The following QTMAN variants were observed in gnomAD, a reference collection of about 807,000 sequenced individuals.
The protein encoded by QTMAN is queuosine-tRNA mannosyltransferase, also known as tRNA-queuosine alpha-mannosyltransferase.
At chr2:144,324,233 A>G in the QTMAN span, among the ~76,000 whole-genome samples, 1 of 152,312 alleles carries the variant, frequency 6.6e-6, no homozygotes, top group Non-Finnish European at 1.5e-5. Context: ...ATAAACTGAT[A>G]ACTACAAGAG....
the QTMAN span, among the ~76,000 whole-genome samples, chr2:144,210,352 A>G: frequency 2.9e-4 from 44 of 152,222 alleles, no homozygotes; most frequent in Non-Finnish European, 1.6e-4. Context: ...GAAGGTATTT[A>G]GCCCATCCCA....
the QTMAN span, among the ~76,000 whole-genome samples, chr2:144,117,175 C>T: frequency 6.6e-6 from 1 of 152,136 alleles, no homozygotes; most frequent in African/African-American, 2.4e-5. Flanking sequence ...CCTGACTCTC[C>T]AGCAAATGTT....
chr2:144,206,903 T>C, the QTMAN span, among the ~76,000 whole-genome samples: 1 of 152,172 alleles, frequency 6.6e-6, no homozygotes, highest in African/African-American at 2.4e-5. Context: ...ACTGTAGAAA[T>C]TTATTATACT....
At chr2:144,275,424 T>C in the QTMAN span, among the ~76,000 whole-genome samples, 2 of 152,082 alleles carry the variant, frequency 1.3e-5, no homozygotes, top group Admixed American at 1.3e-4. Context: ...ATGCTATTTC[T>C]GCCTAAGCCC....
the QTMAN span, among the ~76,000 whole-genome samples, chr2:144,327,881 A>G: frequency 5.3e-5 from 8 of 152,210 alleles, no homozygotes; most frequent in Non-Finnish European, 1.2e-4. Flanking sequence ...AAACCACCCA[A>G]GAAACATAAA....
the QTMAN span, among the ~76,000 whole-genome samples, chr2:144,002,603 A>G: frequency 2.0e-5 from 3 of 152,008 alleles, no homozygotes; most frequent in Admixed American, 6.6e-5. Flanking sequence ...AACAAATATG[A>G]TTTTTTAAAA....
At chr2:144,287,494 G>C in the QTMAN span, among the ~76,000 whole-genome samples, 6 of 151,294 alleles carry the variant, frequency 4.0e-5, no homozygotes, top group Admixed American at 3.9e-4. Flanking sequence ...TATGTTCTTT[G>C]ATTGTAAAAT....
chr2:144,011,639 GTAAAAA>G, the QTMAN span: 1 of 673,418 alleles, frequency 1.5e-6, no homozygotes, highest in African/African-American at 2.4e-5. Context: ...TTCTATGCTA[GTAAAAA>G]AAAAAAAAAA....
the QTMAN span, among the ~76,000 whole-genome samples, chr2:144,018,521 T>C: frequency 6.6e-6 from 1 of 152,218 alleles, no homozygotes; most frequent in Admixed American, 6.5e-5. Flanking sequence ...TAAACACTTC[T>C]ACTTACTTCA....
chr2:144,321,871 G>T, the QTMAN span, among the ~76,000 whole-genome samples: 3 of 152,084 alleles, frequency 2.0e-5, no homozygotes, highest in Non-Finnish European at 2.9e-5. Context: ...TCTGTAAAGT[G>T]AGAGTCACTA....
At chr2:144,054,283 C>G in the QTMAN span, among the ~76,000 whole-genome samples, 2 of 152,124 alleles carry the variant, frequency 1.3e-5, no homozygotes, top group Non-Finnish European at 2.9e-5. Flanking sequence ...CTGAAGACAG[C>G]ACAACAAAGG....
the QTMAN span, among the ~76,000 whole-genome samples, chr2:144,005,474 C>A: frequency 1.3e-5 from 2 of 152,002 alleles, no homozygotes; most frequent in Non-Finnish European, 1.5e-5. Flanking sequence ...ATTGACTGCA[C>A]GCTAGATTTT....
At chr2:144,233,471 G>C in the QTMAN span, among the ~76,000 whole-genome samples, 55 of 152,300 alleles carry the variant, frequency 3.6e-4, no homozygotes, top group South Asian at 1.5e-3. Flanking sequence ...AAATAATGGT[G>C]TAAGTGGGAA....
the QTMAN span, among the ~76,000 whole-genome samples, chr2:144,189,795 T>TAGAG: frequency 6.6e-6 from 1 of 152,014 alleles, no homozygotes; most frequent in African/African-American, 2.4e-5. Context: ...AATTTTTTTG[T>TAGAG]ATTTTTAGTA....
At chr2:143,959,059 T>C in the QTMAN span, among the ~76,000 whole-genome samples, 2 of 152,036 alleles carry the variant, frequency 1.3e-5, no homozygotes, top group Non-Finnish European at 2.9e-5. Context: ...CCTTTACTAG[T>C]TTAATCAATC....
chr2:143,995,815 T>G, the QTMAN span, among the ~76,000 whole-genome samples: 1 of 152,202 alleles, frequency 6.6e-6, no homozygotes, highest in Non-Finnish European at 1.5e-5. Flanking sequence ...ACTGCTCATC[T>G]AAATAACAGA....
the QTMAN span, among the ~76,000 whole-genome samples, chr2:143,977,435 A>T: frequency 6.6e-6 from 1 of 152,212 alleles, no homozygotes; most frequent in Non-Finnish European, 1.5e-5. Context: ...CAGAGCTCTG[A>T]GAGTCCCAGA....
At chr2:144,292,828 G>T in the QTMAN span, among the ~76,000 whole-genome samples, 4 of 151,964 alleles carry the variant, frequency 2.6e-5, no homozygotes, top group Admixed American at 6.6e-5. Context: ...TTAATAACAG[G>T]TCCTATCAAT....
chr2:144,017,255 G>A, the QTMAN span, among the ~76,000 whole-genome samples: 795 of 152,066 alleles, frequency 5.2e-3, 2 homozygotes, highest in Middle Eastern at 0.01. Context: ...CACCCACCTC[G>A]GCCTCCCAAA....
Sources: gnomAD v4.1 joint callset for allele counts (sites outside exome capture counted in the v4.1 genomes callset) on GRCh38, gnomAD v4.1.1 for gene constraint, MANE v1.5 for transcripts, NCBI Gene and HGNC (gene_info 2026-07-23, HGNC 2026-07-21) for gene names.